EPG5: variants seen among roughly 807,000 people sequenced by gnomAD.
EPG5 encodes ectopic P granules protein 5 homolog.
In EPG5, 159 loss-of-function variants were observed where a neutral mutation model predicts 302.7. That is an observed-to-expected ratio of 0.53 (90% confidence interval 0.46 to 0.60). The LOEUF is 0.60. Among genes scored for constraint, EPG5 ranks in the 20% least tolerant of loss-of-function variants. The probability of loss-of-function intolerance (pLI) is 0.00; values close to 1 mark genes in which losing one functional copy is unlikely to be tolerated. For missense variants in EPG5, 2,896 were observed against 3,092.4 expected, an observed-to-expected ratio of 0.94 and a Z score of 1.51; for synonymous variants, 1,158 against 1,136.8, an observed-to-expected ratio of 1.02 and a Z score of -0.37.
chr18:45,911,043 G>A (rs1171967063), intron 22 of EPG5, among the ~76,000 whole-genome samples: 2 of 150,406 alleles, frequency 1.3e-5, no homozygotes, highest in African/African-American at 2.5e-5. Context: ...TAAAACAGAA[G>A]CGACTAAGAA....
chr18:45,886,358 C>CCT (rs2049217080), intron 29 of EPG5, among the ~76,000 whole-genome samples: 3 of 152,188 alleles, frequency 2.0e-5, no homozygotes, highest in African/African-American at 7.2e-5. Context: ...ACTATACAGA[C>CCT]ATGCAATGTC....
chr18:45,814,560 A>G, the EPG5 span, among the ~76,000 whole-genome samples: 1 of 152,248 alleles, frequency 6.6e-6, no homozygotes, highest in South Asian at 2.1e-4. Context: ...TACAGTTATT[A>G]TGTAAGAGAA....
rs764715572 is a variant in EPG5, at chr18:45,916,466, T to C, written c.3356A>G (p.Asn1119Ser). ...GATCATGCTGTTGAGAAGCTTCACG[T>C]TGTCCCCATGGCTGGCTCCTGTCAG... is the stretch of plus-strand genomic sequence containing the variant. ...QHLTGASHGD[N>S]VKLLNSMIQA... Residue 1119 changes from asparagine to serine, a missense_variant, in exon 18 of 44, where the codon AAC becomes AGC. Physicochemically the swap from Asn to Ser is conservative, Grantham distance 46. Coordinates refer to ENST00000282041, the MANE Select transcript of EPG5 (RefSeq NM_020964.3). 6.2e-7 allele frequency: 1 copy of C among 1,613,474 alleles called. No homozygotes were observed. Among genetic ancestry groups the C allele is most frequent in the South Asian group, 1.1e-5 (1 of 91,078 alleles).
rs557371930 is a variant in EPG5, at chr18:45,870,549, C to T, written c.6225+18G>A. The stretch of plus-strand genomic sequence containing the variant: ...GCCAGATCTCTCTAGGCTGCGATGC[C>T]GGGAATGAAGGGCTTACTTTGAAGA... On this transcript the variant is annotated intron_variant, in intron 36 of 43. Transcript: ENST00000282041. 2.2e-5 allele frequency: 36 copies of T among 1,607,884 alleles called. 1 individual carries two copies. The African/African-American group carries it at 3.1e-4, about 14-fold the overall frequency.
intron 13 of EPG5, among the ~76,000 whole-genome samples, chr18:45,926,748 G>A (rs1421609032): frequency 6.6e-6 from 1 of 151,306 alleles, no homozygotes; most frequent in Non-Finnish European, 1.5e-5. Flanking sequence ...ATTGGCGGAG[G>A]TTGCAGTGAG....
rs760748113 is a variant in EPG5 at position 45,943,284 on chromosome 18, G to C, written c.1820C>G (p.Pro607Arg). Residue 607 changes from proline to arginine, a missense_variant, in exon 9 of 44, where the codon CCT becomes CGT. This residue lies in a region of EPG5 where 1,390 missense variants were observed against 1,430.0 expected (regional missense o/e 0.97). Coordinates refer to ENST00000282041, the MANE Select transcript of EPG5 (RefSeq NM_020964.3). The stretch of plus-strand genomic sequence containing the variant: ...GGCAAAAATTTTCATCATCTCTTGA[G>C]GTCTTGTTGTTTCAGGTAAATAATC... ...KGDYLPETTRPQEMMKIFAFA... is the reference protein window; with the variant it reads ...KGDYLPETTRRQEMMKIFAFA... The C allele has an allele frequency of 6.2e-7, 1 of 1,613,924 alleles. No individual in the cohort carries two copies.
At chr18:45,837,895 A>C in the EPG5 span, 34 of 1,509,252 alleles carry the variant, frequency 2.3e-5, no homozygotes, top group Non-Finnish European at 8.8e-7. Flanking sequence ...TGCACGTGAC[A>C]GGCGAGGCGG....
Position 45,860,278 on chromosome 18 carries a change from T to G in EPG5, c.6835A>C (p.Asn2279His). 1 of 1,614,264 alleles carries G rather than the reference T, an allele frequency of 6.2e-7. No individual in the cohort carries two copies. Among genetic ancestry groups the G allele is most frequent in the Non-Finnish European group, 8.5e-7 (1 of 1,180,050 alleles). ...AACTCTGCTGTTGGAATAGTCGCGT[T>G]GTTCATCATCATCAGGACTTCCATA... Reference protein sequence around the residue: ...LFMEVLMMMNNATIPTAEFLR... With the variant: ...LFMEVLMMMNHATIPTAEFLR... The change falls in exon 40 of 44, where the codon AAC (asparagine) becomes CAC (histidine). Residue 2279 changes from asparagine (N) to histidine (H), a missense_variant. Asn to His is a moderately conservative substitution (Grantham distance 68). Transcript: ENST00000282041.
rs1375473975 is a variant in EPG5, at chr18:45,880,168, C to T, written c.5574G>A (p.Leu1858=). 2 of 1,611,478 alleles carry T rather than the reference C, an allele frequency of 1.2e-6. No homozygotes were observed. The highest frequency in any genetic ancestry group is 3.3e-5 in the Admixed American group (2 of 59,876). The part of the protein sequence containing the change: ...PECWKATLRA[L]GCCAPSCQQG... ...GCTGGCAGCTGGGGGCGCAGCAGCC[C>T]AGGGCTCTCAGAGTGGCCTTCCAAC... Residue 1858 remains leucine, a synonymous_variant, in exon 32 of 44, where the codon CTG becomes CTA. Transcript: ENST00000282041.
At chr18:45,814,727 G>A in the EPG5 span, among the ~76,000 whole-genome samples, 1 of 152,128 alleles carries the variant, frequency 6.6e-6, no homozygotes, top group Non-Finnish European at 1.5e-5. Context: ...CTGAGAAATT[G>A]AATTATCTGC....
intron 1 of EPG5, 67 bp downstream of exon 1, chr18:45,967,110 G>A (rs1477033687): frequency 4.1e-6 from 6 of 1,480,906 alleles, no homozygotes; most frequent in African/African-American, 1.4e-5. Flanking sequence ...GGCTGGGGAG[G>A]CCGAAGAGAG....
At chr18:45,935,139 C>A (rs1194163444) in intron 10 of EPG5, among the ~76,000 whole-genome samples, 173 bp from the exon 11 acceptor site, 3 of 152,182 alleles carry the variant, frequency 2.0e-5, no homozygotes, top group Non-Finnish European at 4.4e-5. Flanking sequence ...AAATACAAAC[C>A]ACCCAGTCTG....
chr18:45,967,281 C>G lies in EPG5; in HGVS notation c.-42G>C. On this transcript the variant is annotated 5_prime_UTR_variant, in exon 1 of 44. Coordinates refer to ENST00000282041, the MANE Select transcript of EPG5 (RefSeq NM_020964.3). ...CCGTCACCGTTTGTTTTTGTCAAAC[C>G]CCTGCGCTTCAAGCAACCTGCCCGG... 1 of 1,529,168 alleles carries G rather than the reference C, an allele frequency of 6.5e-7. No homozygotes were observed. Among genetic ancestry groups the G allele is most frequent in the Non-Finnish European group, 8.8e-7 (1 of 1,135,036 alleles). 94.7% of individuals were successfully genotyped at this position (1,529,168 alleles called of 1,614,324 possible).
intron 9 of EPG5, among the ~76,000 whole-genome samples, chr18:45,940,000 G>A (rs1158642110): frequency 6.6e-6 from 1 of 152,034 alleles, no homozygotes; most frequent in African/African-American, 2.4e-5. Flanking sequence ...TCACATGGTT[G>A]TAAGTGACAC....
intron 27 of EPG5, among the ~76,000 whole-genome samples, chr18:45,894,607 A>G (rs1457594102): frequency 6.6e-6 from 1 of 152,226 alleles, no homozygotes; most frequent in Non-Finnish European, 1.5e-5. Context: ...TTCGACTGCA[A>G]GAGTCCGCAA....
Position 45,952,476 on chromosome 18 carries a change from T to C in EPG5, c.1176A>G (p.Gln392=). The C allele has an allele frequency of 6.2e-7, 1 of 1,614,178 alleles. No homozygotes were observed. Among genetic ancestry groups the C allele is most frequent in the Non-Finnish European group, 8.5e-7 (1 of 1,180,028 alleles). Residue 392 remains glutamine, a synonymous_variant, in exon 3 of 44, where the codon CAA becomes CAG. Coordinates refer to ENST00000282041, the MANE Select transcript of EPG5 (RefSeq NM_020964.3). ...HSYTSVLSRL[Q]VESYIYALLS... is the part of the protein sequence containing the mutation. ...GCAATGCATAGATGTAAGACTCCAC[T>C]TGCAATCTTGAGAGCACAGAAGTAT...
rs761712550 is a variant in EPG5 at position 45,952,603 on chromosome 18, C to T, written c.1049G>A (p.Arg350His). The T allele has an allele frequency of 9.9e-6, 16 of 1,613,954 alleles. No homozygotes were observed. The highest frequency in any genetic ancestry group is 4.0e-5 in the African/African-American group (3 of 74,886). Residue 350 changes from arginine to histidine, a missense_variant, in exon 3 of 44, where the codon CGC (arginine) becomes CAC (histidine). By Grantham distance (29) the Arg-to-His change is conservative. Around this residue, in one of 5 missense-constraint regions of EPG5, gnomAD observed 1,390 missense variants for 1,430.0 expected, o/e 0.97. Transcript: ENST00000282041. ...TTCATTCATTTCTACTCTTTGGTAG[C>T]GATGATAGCTGAAAACTTTCACTTG... ...ADQVKVFSYH[R>H]YQRVEMNENA...
intron 23 of EPG5, among the ~76,000 whole-genome samples, chr18:45,909,023 TTTTG>T (rs1276539891): frequency 6.6e-6 from 1 of 152,236 alleles, no homozygotes; most frequent in Non-Finnish European, 1.5e-5. Context: ...TTTATTTTGC[TTTTG>T]TTTTTACCAG....
Position 45,912,377 on chromosome 18 carries a change from A to T in EPG5, c.3896T>A (p.Leu1299Gln). Residue 1299 changes from leucine (L) to glutamine (Q), a missense_variant, in exon 22 of 44, where the codon CTG becomes CAG. Leu to Gln is a moderately radical substitution (Grantham distance 113). Around this residue, in one of 5 missense-constraint regions of EPG5, gnomAD observed 790 missense variants for 798.0 expected, o/e 0.99. Coordinates refer to ENST00000282041, the MANE Select transcript of EPG5 (RefSeq NM_020964.3). ...LLIYRWAHQALVTPSDHPLLP... is the reference protein window; with the variant it reads ...LLIYRWAHQAQVTPSDHPLLP... ...GAGGGGGTGATCAGAAGGTGTGACC[A>T]GAGCCTGGTGGGCCCAGCGATAAAT... The T allele has an allele frequency of 6.2e-7, 1 of 1,611,828 alleles. No homozygotes were observed. The highest frequency in any genetic ancestry group is 8.5e-7 in the Non-Finnish European group (1 of 1,179,280).
Sources: gnomAD v4.1 joint callset for allele counts (sites outside exome capture counted in the v4.1 genomes callset) on GRCh38, gnomAD v4.1.1 for gene constraint, gnomAD v4.1.1 regional missense constraint, MANE v1.5 for transcripts, NCBI Gene and HGNC (gene_info 2026-07-23, HGNC 2026-07-21) for gene names.